The following NUP160 variants were observed in gnomAD, a reference collection of about 807,000 sequenced individuals.
The protein encoded by NUP160 is nuclear pore complex protein Nup160.
In NUP160, 94 loss-of-function variants were observed where a neutral mutation model predicts 196.9. That is an observed-to-expected ratio of 0.48 (90% CI 0.40 to 0.57). The LOEUF (loss-of-function observed/expected upper bound fraction) is 0.57, where lower values mean the gene tolerates loss of function less well. NUP160 is among the 20% of genes least tolerant of loss of function. NUP160 has a pLI of 0.00. For synonymous variants in NUP160, 605 were observed against 619.7 expected, an observed-to-expected ratio of 0.98 and a Z score of 0.35; for missense variants, 1,638 against 1,748.3, an observed-to-expected ratio of 0.94 and a Z score of 1.13.
At position 47,785,106 on chromosome 11, in the gene NUP160, T is replaced by TTTTTTTTTTTTTG. The variant is rs778039579; in HGVS notation, c.3849-44_3849-43insCAAAAAAAAAAAA. The TTTTTTTTTTTTTG allele has an allele frequency of 7.3e-5, 72 of 981,260 alleles. 2 individuals carry two copies. Among genetic ancestry groups the TTTTTTTTTTTTTG allele is most frequent in the Admixed American group, 1.3e-4 (5 of 38,824 alleles). 60.8% of individuals were successfully genotyped at this position (981,260 alleles called of 1,614,324 possible). Reference sequence around the variant, plus strand: ...TGACTAATGAGTTTCAGATTCTTAATAGCTATTTAGAGTACCATTCAAAGC... The same window carrying TTTTTTTTTTTTTG: ...TGACTAATGAGTTTCAGATTCTTAATTTTTTTTTTTTTGAGCTATTTAGAGTACCATTCAAAGC... On this transcript the variant is annotated intron_variant, in intron 32 of 35. Transcript: ENST00000378460.
intron 2 of NUP160, among the ~76,000 whole-genome samples, chr11:47,843,555 T>C (rs548518540): frequency 1.3e-5 from 2 of 152,298 alleles, no homozygotes; most frequent in African/African-American, 4.8e-5. Context: ...GGCTCTCAAC[T>C]GGGGGCGATT....
chr11:47,819,027 G>A (rs1472977097), intron 10 of NUP160, among the ~76,000 whole-genome samples: 2 of 151,932 alleles, frequency 1.3e-5, no homozygotes, highest in Non-Finnish European at 2.9e-5. Flanking sequence ...AAAATGTGGA[G>A]ATTTGGCCGG....
chr11:47,812,039 A>G (rs763648041), intron 17 of NUP160, 25 bp downstream of exon 17: 1 of 1,612,538 alleles, frequency 6.2e-7, no homozygotes, highest in Non-Finnish European at 8.5e-7. Flanking sequence ...TAGATTTTAC[A>G]AGTTTTCCCT....
intron 7 of NUP160, among the ~76,000 whole-genome samples, chr11:47,826,687 C>T (rs1303225021): frequency 2.6e-5 from 4 of 151,926 alleles, no homozygotes; most frequent in Non-Finnish European, 4.4e-5. Context: ...CTCAGTCTCC[C>T]GAGTAGCTGG....
intron 7 of NUP160, among the ~76,000 whole-genome samples, chr11:47,831,763 A>G (rs1365167807): frequency 7.0e-6 from 1 of 142,014 alleles, no homozygotes; most frequent in African/African-American, 2.6e-5. Flanking sequence ...GAACTGCTTG[A>G]ACCTGGGAGG....
intron 9 of NUP160, among the ~76,000 whole-genome samples, chr11:47,820,648 T>C (rs1012906885): frequency 2.0e-5 from 3 of 152,036 alleles, no homozygotes; most frequent in African/African-American, 7.2e-5. Context: ...GTCTCCTGGG[T>C]TCAAGAGATT....
intron 19 of NUP160, among the ~76,000 whole-genome samples, chr11:47,806,790 TACACACACACACACACACACACAC>T (rs57141346): frequency 1.4e-3 from 157 of 111,902 alleles, no homozygotes; most frequent in Non-Finnish European, 2.2e-3. Flanking sequence ...AAAGCAGCTA[TACACACACACACACACACACACAC>T]ACACACACAC....
intron 23 of NUP160, among the ~76,000 whole-genome samples, chr11:47,799,060 AC>A (rs1283204277): frequency 6.6e-6 from 1 of 152,012 alleles, no homozygotes; most frequent in Admixed American, 6.6e-5. Flanking sequence ...TTTTATAAAA[AC>A]CCTAAAGATA....
intron 15 of NUP160, among the ~76,000 whole-genome samples, chr11:47,812,663 C>T (rs918274602): frequency 2.0e-5 from 3 of 152,074 alleles, no homozygotes; most frequent in South Asian, 2.1e-4. Flanking sequence ...ATTTTTAGCT[C>T]GGTTAATTGT....
At chr11:47,840,189 T>G (rs1336386247) in intron 3 of NUP160, 124 bp from the exon 4 acceptor site, 4 of 869,498 alleles carry the variant, frequency 4.6e-6, no homozygotes, top group Non-Finnish European at 7.3e-6. Flanking sequence ...GCTATTCTTC[T>G]TAATGAAAAC....
chr11:47,798,027 G>A lies in NUP160; in HGVS notation c.3134C>T (p.Ser1045Leu), dbSNP rs779137914. Residue 1045 changes from serine (S) to leucine (L), a missense_variant, in exon 26 of 36, where the codon TCA becomes TTA. Physicochemically the swap from Ser to Leu is moderately radical, Grantham distance 145. Coordinates refer to ENST00000378460, the Ensembl canonical transcript of NUP160. Reference sequence around the variant, plus strand: ...AAACTCTACAAGATCCTGTAGCTGTGAGCGTTCACAAAGAACTACCACCAA... The same window carrying A: ...AAACTCTACAAGATCCTGTAGCTGTAAGCGTTCACAAAGAACTACCACCAA... The A allele has an allele frequency of 7.6e-6, 12 of 1,579,270 alleles. No individual in the cohort carries two copies. In the Middle Eastern group the frequency reaches 6.6e-4, roughly 87 times the overall value.
At chr11:47,813,290 A>T in intron 14 of NUP160, 26 bp downstream of exon 14, 2 of 1,460,384 alleles carry the variant, frequency 1.4e-6, no homozygotes, top group Non-Finnish European at 1.9e-6. Context: ...AAGGGGATTA[A>T]ATATGGACAT....
intron 4 of NUP160, 152 bp downstream of exon 4, chr11:47,839,691 T>C: frequency 1.5e-6 from 1 of 679,080 alleles, no homozygotes; most frequent in Non-Finnish European, 2.6e-6. Context: ...TGTATAAAAG[T>C]AAAGCATTAG....
At chr11:47,785,763 C>T (rs1211037533) in intron 32 of NUP160, among the ~76,000 whole-genome samples, 1 of 152,168 alleles carries the variant, frequency 6.6e-6, no homozygotes, top group Non-Finnish European at 1.5e-5. Flanking sequence ...GGTGATTTCT[C>T]ATAATCTGTA....
rs112073362 is a variant in NUP160, at chr11:47,816,068, C to T, written c.1432-39G>A. 3.6e-6 allele frequency: 5 copies of T among 1,378,016 alleles called. 1 individual carries two copies. The African/African-American group carries it at 4.3e-5, about 12-fold the overall frequency. 85.4% of individuals were successfully genotyped at this position (1,378,016 alleles called of 1,614,324 possible). A position where few individuals can be genotyped will look rare whatever the true frequency, so the allele number is the denominator to read the frequency against. On this transcript the variant is annotated intron_variant, in intron 11 of 35. Transcript: ENST00000378460. Reference sequence around the variant, plus strand: ...ACATTTTAGACTTCTATATAATAGCCAAAACTGAATGGAAAACGTTTCAGT... The same window carrying T: ...ACATTTTAGACTTCTATATAATAGCTAAAACTGAATGGAAAACGTTTCAGT...
At chr11:47,797,294 G>C (rs1028786068) in intron 27 of NUP160, among the ~76,000 whole-genome samples, 2 of 152,060 alleles carry the variant, frequency 1.3e-5, no homozygotes, top group Non-Finnish European at 2.9e-5. Flanking sequence ...GAAGTGGCGT[G>C]ATCTTGGCTC....
chr11:47,842,865 G>A (rs1345585730), intron 2 of NUP160, among the ~76,000 whole-genome samples: 3 of 152,108 alleles, frequency 2.0e-5, no homozygotes, highest in Admixed American at 6.6e-5. Flanking sequence ...ATGCCCGCCT[G>A]TAATCTCAGC....
chr11:47,803,649 T>G (rs1048958348), intron 21 of NUP160, 113 bp from the exon 22 acceptor site: 3 of 671,430 alleles, frequency 4.5e-6, no homozygotes, highest in Admixed American at 2.4e-5. Flanking sequence ...AACAAATGTT[T>G]TATTTCCTGA....
At chr11:47,836,786 C>A in intron 6 of NUP160, 101 bp downstream of exon 6, 3 of 695,042 alleles carry the variant, frequency 4.3e-6, no homozygotes, top group South Asian at 1.9e-5. Context: ...AGTTCCAAAC[C>A]AATTGATCTA....
Sources: gnomAD v4.1 joint callset for allele counts (sites outside exome capture counted in the v4.1 genomes callset) on GRCh38, gnomAD v4.1.1 for gene constraint, MANE v1.5 for transcripts, NCBI Gene and HGNC (gene_info 2026-07-23, HGNC 2026-07-21) for gene names.